GIT2: variants seen among roughly 807,000 people sequenced by gnomAD.
GIT2 encodes GIT ArfGAP 2.
GIT2 carries 32 observed loss-of-function variants against 100.3 expected under a neutral mutation model. That is an observed-to-expected ratio of 0.32 (90% confidence interval 0.24 to 0.43). The LOEUF (loss-of-function observed/expected upper bound fraction) is 0.43. GIT2 is among the 20% of genes least tolerant of loss of function. The pLI, the probability that GIT2 is intolerant of heterozygous loss-of-function variation, is 1.00. For synonymous variants in GIT2, 353 were observed against 364.1 expected (o/e 0.97, Z 0.35); for missense variants, 737 against 975.1 (o/e 0.76, Z 3.25).
chr12:109,983,974 T>G, intron 4 of GIT2: 1 of 399,378 alleles, frequency 2.5e-6, no homozygotes. Context: ...AGAACCTGAG[T>G]GAGAGGCAGG....
At position 109,996,297 on chromosome 12, in the gene GIT2, G is replaced by A; in HGVS notation, c.-73C>T. 1 of 1,056,344 alleles carries A rather than the reference G, an allele frequency of 9.5e-7. No homozygotes were observed. The highest frequency in any genetic ancestry group is 1.4e-6 in the Non-Finnish European group (1 of 724,228). 65.4% of individuals were successfully genotyped at this position (1,056,344 alleles called of 1,614,324 possible). A position where few individuals can be genotyped will look rare whatever the true frequency, so the allele number is the denominator to read the frequency against. On this transcript the variant is annotated 5_prime_UTR_variant, in exon 1 of 20. Transcript: ENST00000355312. ...AGGCGGCGGTGGCGGCGGCGCTTCC[G>A]CTCTAACGGGTCCCAGCTGCGGCGG...
intron 17 of GIT2, 61 bp from the exon 18 acceptor site, chr12:109,938,629 T>C (rs1441759619): frequency 1.3e-5 from 17 of 1,259,332 alleles, no homozygotes; most frequent in Admixed American, 6.7e-5. Context: ...CCTCTGCTTC[T>C]AGGAGCCACT....
In GIT2 at chr12:109,932,665, G is replaced by A. The variant is rs1242729698; in HGVS notation, c.*313C>T. The A allele has an allele frequency of 4.8e-6, 1 of 209,652 alleles. No individual in the cohort carries two copies. The highest frequency in any genetic ancestry group is 5.5e-5 in the Admixed American group (1 of 18,320). 13.0% of individuals were successfully genotyped at this position (209,652 alleles called of 1,614,324 possible). ...TTCAGCCATAGGCAGGGAGTTTTAA[G>A]GGATGGAAAAGTTTTCACAAACTTT... On this transcript the variant is annotated 3_prime_UTR_variant, in exon 20 of 20. Coordinates refer to ENST00000355312, the MANE Select transcript of GIT2 (RefSeq NM_057169.5).
At chr12:109,998,274 C>T (rs1889733306), upstream of GIT2, 1 of 152,212 alleles carries the variant, frequency 6.6e-6, no homozygotes, top group Admixed American at 6.5e-5. Context: ...TCCTGGTGCT[C>T]CTGCATCCTG....
rs144596026 is a variant in GIT2, at chr12:109,938,598, A to C, written c.1815-30T>G. On this transcript the variant is annotated intron_variant, in intron 17 of 19. Coordinates refer to ENST00000355312, the MANE Select transcript of GIT2 (RefSeq NM_057169.5). ...GAACATTAAAGATGCAGTTAAATACAGCAGGTGCTTATCAGCTGCCCCTCT... is the reference window on the plus strand; with the variant it reads ...GAACATTAAAGATGCAGTTAAATACCGCAGGTGCTTATCAGCTGCCCCTCT... 735 of 1,516,410 alleles carry C rather than the reference A, an allele frequency of 4.8e-4. 1 individual carries two copies. The highest frequency in any genetic ancestry group is 6.9e-4 in the Middle Eastern group (3 of 4,362). The allele number at this position is 1,516,410 out of a possible 1,614,324, so 93.9% of individuals were successfully genotyped here. A position where few individuals can be genotyped will look rare whatever the true frequency, so the allele number is the denominator to read the frequency against.
chr12:109,945,334 G>A lies in GIT2; in HGVS notation c.1657C>T (p.Leu553Phe), dbSNP rs1301665061. ...GGCAGAGATGAAGAGGAGGTCACAA[G>A]TGCACTCCTCCCGATCTGGAATGGG... ...PFPAHIGRSALVTSSSSLPSF... is the reference protein window; with the variant it reads ...PFPAHIGRSAFVTSSSSLPSF... Residue 553 changes from leucine to phenylalanine, a missense_variant, in exon 16 of 20, where the codon CTT (leucine) becomes TTT (phenylalanine). By Grantham distance (22) the Leu-to-Phe change is conservative. Transcript: ENST00000355312. 3 of 1,549,892 alleles carry A rather than the reference G, an allele frequency of 1.9e-6. No homozygotes were observed. The highest frequency in any genetic ancestry group is 8.9e-7 in the Non-Finnish European group (1 of 1,122,004).
chr12:109,989,648 T>C (rs754811702), intron 3 of GIT2, 42 bp downstream of exon 3: 1 of 1,110,826 alleles, frequency 9.0e-7, no homozygotes, highest in Non-Finnish European at 1.4e-6. Context: ...TGGGCCCCAT[T>C]TGTTATGAAG....
intron 11 of GIT2, among the ~76,000 whole-genome samples, chr12:109,960,296 G>T (rs867154837): frequency 6.6e-6 from 1 of 152,214 alleles, no homozygotes; most frequent in African/African-American, 2.4e-5. Context: ...AGTAGACCCA[G>T]TAATAATAAA....
intron 4 of GIT2, among the ~76,000 whole-genome samples, chr12:109,987,435 C>G (rs537368450): frequency 1.3e-5 from 2 of 151,652 alleles, no homozygotes; most frequent in African/African-American, 4.8e-5. Flanking sequence ...GAAGCAAAAG[C>G]AAAAACCACA....
At chr12:109,956,338 C>A (rs1879446919) in intron 12 of GIT2, among the ~76,000 whole-genome samples, 1 of 152,068 alleles carries the variant, frequency 6.6e-6, no homozygotes. Flanking sequence ...CGGTAGGGGG[C>A]CATTTTAAAA....
intron 12 of GIT2, among the ~76,000 whole-genome samples, chr12:109,956,364 T>C (rs1020409457): frequency 4.6e-5 from 7 of 152,118 alleles, no homozygotes; most frequent in Admixed American, 3.3e-4. Flanking sequence ...AAATGACCAA[T>C]GAAAAGCACA....
chr12:109,991,605 C>T, intron 2 of GIT2, 22 bp downstream of exon 2: 1 of 1,592,196 alleles, frequency 6.3e-7, no homozygotes, highest in East Asian at 2.2e-5. Context: ...TACCAACTGT[C>T]AGGAGAATTC....
Position 109,933,244 on chromosome 12 carries a change from G to A in GIT2, c.2068-54C>T. 1.9e-6 allele frequency: 2 copies of A among 1,045,020 alleles called. No homozygotes were observed. Among genetic ancestry groups the A allele is most frequent in the Non-Finnish European group, 2.9e-6 (2 of 689,140 alleles). The allele number at this position is 1,045,020 out of a possible 1,614,324, so 64.7% of individuals were successfully genotyped here. On this transcript the variant is annotated intron_variant, in intron 19 of 19. Transcript: ENST00000355312. This position sits in a 1 kb window ranked among gnomAD's most constrained non-coding sequence, Gnocchi z 4.5. The stretch of plus-strand genomic sequence containing the variant: ...TGAACTGCAGGGCAGACATCCAAAA[G>A]CAGGGGACAAACATTCTTCTAAAGC...
intron 18 of GIT2, among the ~76,000 whole-genome samples, chr12:109,935,745 C>T (rs1017310165): frequency 1.2e-4 from 18 of 152,154 alleles, no homozygotes; most frequent in Admixed American, 7.9e-4. Context: ...TTGAGAAATA[C>T]GATTCACCCT....
Position 109,959,969 on chromosome 12 carries a change from GA to G in GIT2, c.988-12del. ...TAACTTCTGTCTGCCCTAAAGGTGG[GA>G]AAATAATTGGAAATATTTCCCAGTG... On this transcript the variant is annotated splice_polypyrimidine_tract_variant and intron_variant, in intron 11 of 19. Coordinates refer to ENST00000355312, the MANE Select transcript of GIT2 (RefSeq NM_057169.5). 2 of 1,552,154 alleles carry G rather than the reference GA, an allele frequency of 1.3e-6. No homozygotes were observed. Among genetic ancestry groups the G allele is most frequent in the Non-Finnish European group, 1.8e-6 (2 of 1,124,104 alleles).
At position 109,952,511 on chromosome 12, in the gene GIT2, C is replaced by T. The variant is rs762197995; in HGVS notation, c.1242+581G>A. The T allele has an allele frequency of 1.5e-5, 8 of 518,884 alleles. No individual in the cohort carries two copies. The East Asian group carries it at 4.4e-4, about 28-fold the overall frequency. 32.1% of individuals were successfully genotyped at this position (518,884 alleles called of 1,614,324 possible). A position where few individuals can be genotyped will look rare whatever the true frequency, so the allele number is the denominator to read the frequency against. ...CCACTCTCTTCCGTCGGGTGTCATA[C>T]CCCTCCTGCTGCAGCTTCGAGTCCC... is the stretch of plus-strand genomic sequence containing the variant. On this transcript the variant is annotated intron_variant, in intron 13 of 19. Transcript: ENST00000355312.
At chr12:109,996,613 A>T (rs902444277), upstream of GIT2, among the ~76,000 whole-genome samples, 1 of 152,240 alleles carries the variant, frequency 6.6e-6, no homozygotes, top group Non-Finnish European at 1.5e-5. Context: ...TCCTGAGGCA[A>T]TCAATGGTCA....
At chr12:109,983,965 G>T (rs1263652336) in intron 4 of GIT2, 1 of 408,716 alleles carries the variant, frequency 2.4e-6, no homozygotes, top group Non-Finnish European at 4.5e-6. Context: ...GGCACAACCA[G>T]AACCTGAGTG....
rs373410574 is a variant in GIT2 at position 109,989,102 on chromosome 12, C to G, written c.300-34G>C. On this transcript the variant is annotated intron_variant, in intron 3 of 19. Coordinates refer to ENST00000355312, the MANE Select transcript of GIT2 (RefSeq NM_057169.5). Reference sequence around the variant, plus strand: ...AAAACAAAAAAGAAAACAGTTCACTCGTTCAGATACAACAATCCCCATTCT... The same window carrying G: ...AAAACAAAAAAGAAAACAGTTCACTGGTTCAGATACAACAATCCCCATTCT... The G allele has an allele frequency of 6.6e-6, 8 of 1,216,942 alleles. No homozygotes were observed. In the East Asian group the frequency reaches 1.9e-4, roughly 28 times the overall value. 75.4% of individuals were successfully genotyped at this position (1,216,942 alleles called of 1,614,324 possible).
Sources: allele counts gnomAD v4.1 joint callset (sites outside exome capture counted in the v4.1 genomes callset), GRCh38; gene constraint gnomAD v4.1.1; non-coding constraint Gnocchi (gnomAD v3.1); transcripts MANE v1.5; gene names NCBI Gene and HGNC (gene_info 2026-07-23, HGNC 2026-07-21).